ESYT2: variants seen among roughly 807,000 people sequenced by gnomAD.
ESYT2 encodes extended synaptotagmin-2.
Under a neutral mutation model 107.2 loss-of-function variants are expected in ESYT2, and 54 were observed. That is an observed-to-expected ratio of 0.50 (90% CI 0.40 to 0.63). The LOEUF (loss-of-function observed/expected upper bound fraction) is 0.63. ESYT2 is among the 30% of genes least tolerant of loss of function. The probability of loss-of-function intolerance (pLI) is 0.00; values close to 1 mark genes in which losing one functional copy is unlikely to be tolerated. For synonymous variants in ESYT2, 491 were observed against 434.1 expected, an observed-to-expected ratio of 1.13 and a Z score of -1.63; for missense variants, 1,020 against 1,094.5, an observed-to-expected ratio of 0.93 and a Z score of 0.96.
chr7:158,766,938 A>C lies in ESYT2; in HGVS notation c.924+716T>G, dbSNP rs574701389. 7.2e-5 allele frequency among the ~76,000 whole-genome samples: 11 copies of C among 152,322 alleles called. No individual in the cohort carries two copies. The South Asian group carries it at 1.7e-3, about 23-fold the overall frequency. Reference sequence around the variant, plus strand: ...ACCCACCCCTTCCATAGTCAGCAGAAGGAATCTCATGTTCTTGACTACTTT... The same window carrying C: ...ACCCACCCCTTCCATAGTCAGCAGACGGAATCTCATGTTCTTGACTACTTT... On this transcript the variant is annotated intron_variant, in intron 8 of 22. Transcript: ENST00000275418.
intron 6 of ESYT2, among the ~76,000 whole-genome samples, chr7:158,781,118 AGAGAAC>A (rs1489425801): frequency 6.6e-5 from 10 of 152,374 alleles, no homozygotes; most frequent in South Asian, 6.2e-4. Context: ...AACAAGTACG[AGAGAAC>A]GAGAACAAGT....
chr7:158,737,108 C>T lies in ESYT2; in HGVS notation c.2339G>A (p.Arg780Gln), dbSNP rs556761451. 2.0e-5 allele frequency: 32 copies of T among 1,613,940 alleles called. No homozygotes were observed. The highest frequency in any genetic ancestry group is 6.7e-5 in the East Asian group (3 of 44,884). ...VRMYLLPDKR[R>Q]SGRRKTHVSK... Reference sequence around the variant, plus strand: ...CACGTGTGTTTTCCTCCTTCCTGACCGCCTCTTGTCTGGTAATAAATACAT... The same window carrying T: ...CACGTGTGTTTTCCTCCTTCCTGACTGCCTCTTGTCTGGTAATAAATACAT... Residue 780 changes from arginine (R) to glutamine (Q), a missense_variant, in exon 20 of 23, where the codon CGG (arginine) becomes CAG (glutamine). Physicochemically the swap from Arg to Gln is conservative, Grantham distance 43 (BLOSUM62 1). Coordinates refer to ENST00000275418, the MANE Select transcript of ESYT2 (RefSeq NM_001367773.1).
rs903648065 is a variant in ESYT2 at position 158,829,168 on chromosome 7, A to C, written c.251T>G (p.Leu84Arg). 4.5e-6 allele frequency: 7 copies of C among 1,550,248 alleles called. No individual in the cohort carries two copies. The highest frequency in any genetic ancestry group is 1.4e-5 in the African/African-American group (1 of 72,222). The change falls in exon 1 of 23, where the codon CTG becomes CGG. Residue 84 changes from leucine (L) to arginine (R), a missense_variant. Physicochemically the swap from Leu to Arg is moderately radical, Grantham distance 102. Transcript: ENST00000275418. ...TTCCAGCAGCGCCAGCGCGCGGCAC[A>C]GGCGCAGGGCCTTGAGGCCGCGGCT... The part of the protein sequence containing the change: ...RRSRGLKALR[L>R]CRALALLEDE...
intron 13 of ESYT2, among the ~76,000 whole-genome samples, chr7:158,756,914 TAAA>T (rs201326042): frequency 3.0e-5 from 3 of 98,768 alleles, no homozygotes; most frequent in Non-Finnish European, 4.1e-5. Context: ...CATCTCAAAT[TAAA>T]AAAAAAAAAA....
chr7:158,769,197 GA>G (rs918959463), intron 7 of ESYT2, among the ~76,000 whole-genome samples: 1 of 152,134 alleles, frequency 6.6e-6, no homozygotes, highest in African/African-American at 2.4e-5. Flanking sequence ...TTTAATATGG[GA>G]AAAAATTTTT....
At chr7:158,808,806 T>TAAAA (rs56268365) in intron 1 of ESYT2, among the ~76,000 whole-genome samples, 1 of 138,276 alleles carries the variant, frequency 7.2e-6, no homozygotes, top group Non-Finnish European at 1.6e-5. Context: ...CCATCTCTAC[T>TAAAA]AAAAAAAAAA....
Position 158,743,489 on chromosome 7 carries a change from C to T in ESYT2, c.1794+40G>A, listed in dbSNP as rs369242580. On this transcript the variant is annotated intron_variant, in intron 17 of 22. Transcript: ENST00000275418. Reference sequence around the variant, plus strand: ...TGAGTATCCCTGCCAGCACCCGCCTCCCCATCCCCTATGGTGTTCACTGCA... The same window carrying T: ...TGAGTATCCCTGCCAGCACCCGCCTTCCCATCCCCTATGGTGTTCACTGCA... 81 of 1,570,270 alleles carry T rather than the reference C, an allele frequency of 5.2e-5. No homozygotes were observed. The African/African-American group carries it at 9.4e-4, about 18-fold the overall frequency.
intron 6 of ESYT2, among the ~76,000 whole-genome samples, chr7:158,775,682 C>T (rs1838537590): frequency 6.6e-6 from 1 of 152,202 alleles, no homozygotes; most frequent in Non-Finnish European, 1.5e-5. Flanking sequence ...CTTCCACCTG[C>T]ACTTCCTTCT....
intron 4 of ESYT2, among the ~76,000 whole-genome samples, chr7:158,789,052 G>A (rs918537538): frequency 6.6e-6 from 1 of 152,082 alleles, no homozygotes; most frequent in Non-Finnish European, 1.5e-5. Flanking sequence ...CTTTTTCCAT[G>A]GGTTAGTGTA....
rs1279993351 is a variant in ESYT2 at position 158,781,909 on chromosome 7, GACAGA to G, written c.747+6090_747+6094del. 2.6e-5 allele frequency among the ~76,000 whole-genome samples: 4 copies of G among 151,574 alleles called. No homozygotes were observed. In the South Asian group the frequency reaches 6.3e-4, roughly 24 times the overall value. ...AGAACGAGAACAAGTGTGAGTGAAC[GACAGA>G]ACAAAGTGTGAAAGGTATGAGTGTA... On this transcript the variant is annotated intron_variant, in intron 6 of 22. Transcript: ENST00000275418.
At chr7:158,781,945 G>A (rs1379940205) in intron 6 of ESYT2, among the ~76,000 whole-genome samples, 3 of 149,756 alleles carry the variant, frequency 2.0e-5, no homozygotes, top group African/African-American at 4.9e-5. Context: ...GTGTAAGAAC[G>A]AGAACAAGTG....
chr7:158,780,179 T>C (rs1838722509), intron 6 of ESYT2, among the ~76,000 whole-genome samples: 1 of 152,220 alleles, frequency 6.6e-6, no homozygotes, highest in African/African-American at 2.4e-5. Flanking sequence ...GCCTTTATTT[T>C]CCTCACCAGT....
At chr7:158,746,795 A>G (rs912351065) in intron 16 of ESYT2, among the ~76,000 whole-genome samples, 2 of 152,298 alleles carry the variant, frequency 1.3e-5, no homozygotes, top group African/African-American at 4.8e-5. Context: ...CACTTGGGGA[A>G]GCAGAAGTGG....
At chr7:158,748,126 A>G in intron 16 of ESYT2, 68 bp downstream of exon 16, 1 of 1,454,286 alleles carries the variant, frequency 6.9e-7, no homozygotes, top group Non-Finnish European at 9.6e-7. Context: ...GTCACAACTC[A>G]GCAAATTGTA....
At chr7:158,803,384 C>A (rs1435035651) in intron 1 of ESYT2, among the ~76,000 whole-genome samples, 1 of 152,156 alleles carries the variant, frequency 6.6e-6, no homozygotes, top group Admixed American at 6.5e-5. Context: ...ACATGAGACG[C>A]CTCTTCTTTA....
At chr7:158,791,847 G>A (rs1241065167) in intron 4 of ESYT2, among the ~76,000 whole-genome samples, 2 of 152,246 alleles carry the variant, frequency 1.3e-5, no homozygotes, top group East Asian at 3.9e-4. Context: ...CATGATTATA[G>A]GGACTGCATT....
chr7:158,820,128 ATGGTT>A (rs1840250558), intron 1 of ESYT2, among the ~76,000 whole-genome samples: 1 of 152,204 alleles, frequency 6.6e-6, no homozygotes. Context: ...ACCATTATGG[ATGGTT>A]TGGTATTATG....
chr7:158,743,384 TCC>T, intron 17 of ESYT2, 143 bp downstream of exon 17: 1 of 976,492 alleles, frequency 1.0e-6, no homozygotes, highest in East Asian at 3.0e-5. Flanking sequence ...CAATATCTCC[TCC>T]CTGCACCGGC....
chr7:158,742,601 A>G lies in ESYT2; in HGVS notation c.1795-705T>C, dbSNP rs3750056. The stretch of plus-strand genomic sequence containing the variant: ...AGCAAGATCACCCCAACAACCTGAC[A>G]TGAGTGCAGGAGCAGGGGGTTCCCG... On this transcript the variant is annotated intron_variant, in intron 17 of 22. Transcript: ENST00000275418. Among the ~76,000 whole-genome samples the G allele has an allele frequency of 4.1e-4, 63 of 152,298 alleles. No homozygotes were observed. The East Asian group carries it at 0.012, about 29-fold the overall frequency.
Sources: gnomAD v4.1 joint callset for allele counts (sites outside exome capture counted in the v4.1 genomes callset) on GRCh38, gnomAD v4.1.1 for gene constraint, MANE v1.5 for transcripts, NCBI Gene and HGNC (gene_info 2026-07-23, HGNC 2026-07-21) for gene names.